The following LRRTM4 variants were observed in gnomAD, a reference collection of about 807,000 sequenced individuals.
LRRTM4 encodes leucine-rich repeat transmembrane neuronal protein 4.
A neutral mutation model predicts 47.6 loss-of-function variants in LRRTM4; 25 were observed. That is an observed-to-expected ratio of 0.53 (90% confidence interval 0.38 to 0.73). The LOEUF is 0.73. Among genes scored for constraint, LRRTM4 ranks in the 30% least tolerant of loss-of-function variants. The pLI, the probability that LRRTM4 is intolerant of heterozygous loss-of-function variation, is 0.00. For missense variants in LRRTM4, 638 were observed against 713.4 expected (o/e 0.89, Z 1.20); for synonymous variants, 311 against 269.5 (o/e 1.15, Z -1.51).
chr2:76,929,205 A>G (rs759251534), intron 3 of LRRTM4, among the ~76,000 whole-genome samples: 2 of 152,184 alleles, frequency 1.3e-5, no homozygotes, highest in African/African-American at 4.8e-5. Context: ...GACCAGACAT[A>G]TCACTGGAAG....
intron 3 of LRRTM4, among the ~76,000 whole-genome samples, chr2:77,328,992 C>T (rs1321627007): frequency 2.0e-5 from 3 of 152,138 alleles, no homozygotes; most frequent in African/African-American, 7.2e-5. Flanking sequence ...GTTTTCTCAT[C>T]TGTAAAATAT....
chr2:77,044,465 T>C (rs868075017), intron 3 of LRRTM4, among the ~76,000 whole-genome samples: 6 of 151,946 alleles, frequency 3.9e-5, no homozygotes, highest in Middle Eastern at 3.4e-3. Context: ...AGGAAATCCA[T>C]ATAGCTCTGA....
chr2:77,346,827 T>TAA (rs146860847), intron 3 of LRRTM4, among the ~76,000 whole-genome samples: 2 of 151,914 alleles, frequency 1.3e-5, no homozygotes, highest in African/African-American at 4.8e-5. Flanking sequence ...AGATTGATTT[T>TAA]AAAAAAAAGT....
chr2:77,099,441 A>G (rs1053004335), intron 3 of LRRTM4, among the ~76,000 whole-genome samples: 1 of 151,960 alleles, frequency 6.6e-6, no homozygotes, highest in Admixed American at 6.6e-5. Flanking sequence ...TAAGGAGACT[A>G]TATATATTTG....
At chr2:76,984,081 T>G (rs1454322105) in intron 3 of LRRTM4, among the ~76,000 whole-genome samples, 3 of 152,058 alleles carry the variant, frequency 2.0e-5, no homozygotes, top group African/African-American at 7.2e-5. Flanking sequence ...CAATGATGAA[T>G]TATTTATACC....
intron 3 of LRRTM4, among the ~76,000 whole-genome samples, chr2:76,772,016 G>T (rs1277064773): frequency 6.6e-6 from 1 of 152,214 alleles, no homozygotes; most frequent in African/African-American, 2.4e-5. Context: ...AGGGAATTAT[G>T]TAAGAATGGT....
At chr2:76,861,282 A>T (rs1237294737) in intron 3 of LRRTM4, among the ~76,000 whole-genome samples, 2 of 152,210 alleles carry the variant, frequency 1.3e-5, no homozygotes, top group Non-Finnish European at 2.9e-5. Flanking sequence ...AGAAGACTAT[A>T]AAACACATGA....
intron 3 of LRRTM4, among the ~76,000 whole-genome samples, chr2:77,431,632 A>G (rs1675380062): frequency 6.7e-6 from 1 of 149,186 alleles, no homozygotes; most frequent in African/African-American, 2.6e-5. Context: ...GATATGGATG[A>G]CAATCAGGGT....
At chr2:77,206,744 A>G (rs1427114118) in intron 3 of LRRTM4, among the ~76,000 whole-genome samples, 2 of 152,112 alleles carry the variant, frequency 1.3e-5, no homozygotes, top group Admixed American at 6.6e-5. Flanking sequence ...TTGGCCTCCC[A>G]AAGTGCTGGG....
chr2:77,162,897 T>A (rs2103813213), intron 3 of LRRTM4, among the ~76,000 whole-genome samples: 1 of 152,242 alleles, frequency 6.6e-6, no homozygotes, highest in East Asian at 1.9e-4. Flanking sequence ...CTGAAAATTT[T>A]AAAAATCAGA....
intron 3 of LRRTM4, among the ~76,000 whole-genome samples, chr2:77,462,224 T>G (rs1252242472): frequency 6.6e-6 from 1 of 152,102 alleles, no homozygotes; most frequent in Non-Finnish European, 1.5e-5. Context: ...ATGTGAGCTC[T>G]GAAGTATTCA....
intron 3 of LRRTM4, among the ~76,000 whole-genome samples, chr2:77,368,174 G>T (rs1167613725): frequency 6.6e-6 from 1 of 151,470 alleles, no homozygotes; most frequent in African/African-American, 2.4e-5. Context: ...TCTCATCCAG[G>T]AACAGGTGTG....
chr2:77,247,581 C>A (rs1442870248), intron 3 of LRRTM4, among the ~76,000 whole-genome samples: 1 of 152,032 alleles, frequency 6.6e-6, no homozygotes, highest in African/African-American at 2.4e-5. Context: ...CTGAAAGTTA[C>A]AAACTACCTA....
Position 77,518,749 on chromosome 2 carries a change from C to G in LRRTM4, c.1120G>C (p.Val374Leu), listed in dbSNP as rs770128588. ...QVVNTERSHL[V>L]PQTPQKPLII... ...AGAGGTTTCTGGGGAGTTTGGGGCA[C>G]CAGGTGTGATCTTTCTGTGTTGACC... The change falls in exon 3 of 4, where the codon GTG becomes CTG. Residue 374 changes from valine to leucine, a missense_variant. Coordinates refer to ENST00000409884, the MANE Select transcript of LRRTM4 (RefSeq NM_001134745.3). The G allele has an allele frequency of 2.5e-5, 40 of 1,613,160 alleles. No homozygotes were observed. The highest frequency in any genetic ancestry group is 3.3e-4 in the Middle Eastern group (2 of 6,080).
intron 3 of LRRTM4, among the ~76,000 whole-genome samples, chr2:76,849,364 T>C (rs553520408): frequency 6.6e-6 from 1 of 152,224 alleles, no homozygotes; most frequent in East Asian, 1.9e-4. Flanking sequence ...AAAAATGAAA[T>C]TTCTCTGCTG....
Position 77,521,822 on chromosome 2 carries a change from C to G in LRRTM4, c.-147-4G>C. The G allele has an allele frequency of 1.8e-6, 1 of 544,018 alleles. No individual in the cohort carries two copies. Among genetic ancestry groups the G allele is most frequent in the East Asian group, 2.9e-5 (1 of 34,462 alleles). The allele number at this position is 544,018 out of a possible 1,614,324, so 33.7% of individuals were successfully genotyped here. On this transcript the variant is annotated splice_polypyrimidine_tract_variant and splice_region_variant and intron_variant, in intron 1 of 3. Coordinates refer to ENST00000409884, the MANE Select transcript of LRRTM4 (RefSeq NM_001134745.3). ...TGAGCTAGTAGCCCCATACAAACTTCCCCGAGAGGACAGGCAAAAAAAAAA... is the reference window on the plus strand; with the variant it reads ...TGAGCTAGTAGCCCCATACAAACTTGCCCGAGAGGACAGGCAAAAAAAAAA...
At chr2:76,878,870 T>C (rs1359992891) in intron 3 of LRRTM4, among the ~76,000 whole-genome samples, 1 of 151,764 alleles carries the variant, frequency 6.6e-6, no homozygotes, top group Non-Finnish European at 1.5e-5. Context: ...CAAGACTCCA[T>C]CTAAAATTAA....
chr2:77,220,855 C>A (rs542925062), intron 3 of LRRTM4, among the ~76,000 whole-genome samples: 3 of 152,056 alleles, frequency 2.0e-5, no homozygotes, highest in East Asian at 1.9e-4. Flanking sequence ...ATACAGAGAA[C>A]GCCACAAAGA....
intron 3 of LRRTM4, among the ~76,000 whole-genome samples, chr2:76,889,179 A>G (rs114164226): frequency 1.1e-4 from 16 of 152,060 alleles, no homozygotes; most frequent in Non-Finnish European, 2.2e-4. Context: ...GATTAACTGT[A>G]ATTAATGTAA....
Sources: allele counts gnomAD v4.1 joint callset (sites outside exome capture counted in the v4.1 genomes callset), GRCh38; gene constraint gnomAD v4.1.1; transcripts MANE v1.5; gene names NCBI Gene and HGNC (gene_info 2026-07-23, HGNC 2026-07-21).